Variants in WDR4 observed in about 807,000 individuals in gnomAD.
WDR4 encodes the protein WDR4 tRNA N7-guanosine methyltransferase non-catalytic subunit, also known as tRNA (guanine-N(7)-)-methyltransferase non-catalytic subunit WDR4.
WDR4 carries 47 observed loss-of-function variants against 48.6 expected under a neutral mutation model. The observed-to-expected ratio is 0.97, with a 90% CI of 0.77 to 1.23. The LOEUF is 1.23. WDR4 is among the 50% of genes most tolerant of loss of function. WDR4 has a pLI of 0.00. For missense variants in WDR4, 606 were observed against 551.6 expected (o/e 1.10, Z -0.99); for synonymous variants, 268 against 230.0 (o/e 1.17, Z -1.49).
chr21:42,883,974 A>G (rs2058623034), upstream of WDR4, among the ~76,000 whole-genome samples: 1 of 152,078 alleles, frequency 6.6e-6, no homozygotes, highest in African/African-American at 2.4e-5. Context: ...CCTCCCCATA[A>G]ACCCCTGGTA....
At chr21:42,882,054 G>T (rs2058613829), upstream of WDR4, among the ~76,000 whole-genome samples, 1 of 151,616 alleles carries the variant, frequency 6.6e-6, no homozygotes, top group Non-Finnish European at 1.5e-5. Flanking sequence ...TCCTACCTTG[G>T]CCTCCCAAAG....
chr21:42,845,215 G>C (rs1569306862), downstream of WDR4, among the ~76,000 whole-genome samples: 1 of 152,190 alleles, frequency 6.6e-6, no homozygotes, highest in Non-Finnish European at 1.5e-5. Context: ...GACCACAGTG[G>C]AATTAAAACC....
intron 1 of WDR4, among the ~76,000 whole-genome samples, chr21:42,878,409 A>G (rs1263732550): frequency 6.6e-6 from 1 of 152,226 alleles, no homozygotes. Flanking sequence ...CATGTCTAAT[A>G]TATCCACAGC....
At chr21:42,888,449 C>G in the WDR4 span, among the ~76,000 whole-genome samples, 67 of 152,200 alleles carry the variant, frequency 4.4e-4, no homozygotes, top group African/African-American at 1.4e-3. Flanking sequence ...GTCCCAGCTA[C>G]TTGAGAGGCT....
At chr21:42,865,686 C>A (rs571407420) in intron 3 of WDR4, among the ~76,000 whole-genome samples, 71 of 152,140 alleles carry the variant, frequency 4.7e-4, no homozygotes, top group African/African-American at 1.6e-3. Flanking sequence ...AATGGCAAGC[C>A]GGCCTGTCAC....
At chr21:42,868,818 T>C (rs1242026388) in intron 3 of WDR4, among the ~76,000 whole-genome samples, 1 of 152,376 alleles carries the variant, frequency 6.6e-6, no homozygotes, top group East Asian at 1.9e-4. Context: ...CCGTGTCTGT[T>C]GTCACACATT....
At chr21:42,875,274 T>A (rs1381792001) in intron 2 of WDR4, among the ~76,000 whole-genome samples, 2 of 151,934 alleles carry the variant, frequency 1.3e-5, no homozygotes, top group African/African-American at 4.8e-5. Flanking sequence ...TAGGCAGCCC[T>A]GGCGCGGTGC....
the WDR4 span, among the ~76,000 whole-genome samples, chr21:42,890,575 G>A: frequency 6.6e-6 from 1 of 152,190 alleles, no homozygotes. Flanking sequence ...AGACACAAGG[G>A]GGAGCCTCTA....
At chr21:42,864,607 A>G (rs915509905) in intron 3 of WDR4, among the ~76,000 whole-genome samples, 8 of 152,132 alleles carry the variant, frequency 5.3e-5, no homozygotes, top group Admixed American at 2.6e-4. Context: ...ACATCAGCAC[A>G]TCCATGAATC....
At chr21:42,856,795 A>G (rs914770737) in intron 6 of WDR4, among the ~76,000 whole-genome samples, 1 of 152,074 alleles carries the variant, frequency 6.6e-6, no homozygotes, top group African/African-American at 2.4e-5. Context: ...ATACACACGC[A>G]CACACACACA....
intron 1 of WDR4, among the ~76,000 whole-genome samples, chr21:42,878,804 G>C (rs1248630075): frequency 3.3e-5 from 5 of 152,218 alleles, no homozygotes; most frequent in Admixed American, 6.5e-5. Context: ...CACTAGGGAG[G>C]TGCGCACTGC....
rs11909507 is a variant in WDR4, at chr21:42,859,778, G to A, written c.567-56C>T. 151,186 of 1,512,244 alleles carry A rather than the reference G, an allele frequency of 0.1. 9,497 individuals are homozygous for A. Among genetic ancestry groups the A allele is most frequent in the African/African-American group, 0.3 (21,396 of 72,332 alleles). 93.7% of individuals were successfully genotyped at this position (1,512,244 alleles called of 1,614,324 possible). ...GCGAGCCCAGCGCCCGCAGGGACCG[G>A]GAGGCCTGGGGAGGCCGCCTGTTCA... On this transcript the variant is annotated intron_variant, in intron 5 of 10. Coordinates refer to ENST00000398208, the MANE Select transcript of WDR4 (RefSeq NM_018669.6).
At chr21:42,859,619 G>C (rs751102127) in intron 6 of WDR4, 43 bp downstream of exon 6, 2 of 608,866 alleles carry the variant, frequency 3.3e-6, no homozygotes. Flanking sequence ...CTCCCTGCAG[G>C]CTCAAGAATC....
In WDR4 at chr21:42,862,202, AC is replaced by A; in HGVS notation, c.566+79del. 1 of 1,343,082 alleles carries A rather than the reference AC, an allele frequency of 7.4e-7. No homozygotes were observed. Among genetic ancestry groups the A allele is most frequent in the Non-Finnish European group, 1.0e-6 (1 of 977,888 alleles). 83.2% of individuals were successfully genotyped at this position (1,343,082 alleles called of 1,614,324 possible). On this transcript the variant is annotated intron_variant, in intron 5 of 10. Transcript: ENST00000398208. The surrounding 1 kb of genome is among the most constrained non-coding windows in gnomAD (Gnocchi z 4.3). Reference sequence around the variant, plus strand: ...CCCGCGTGGGGCCTCGCCAGCTACAACGGCACCTGCTGAGCCGCAAGCTGAC... The same window carrying A: ...CCCGCGTGGGGCCTCGCCAGCTACAAGGCACCTGCTGAGCCGCAAGCTGAC...
chr21:42,871,701 T>A (rs2058372782), intron 3 of WDR4, among the ~76,000 whole-genome samples: 1 of 152,200 alleles, frequency 6.6e-6, no homozygotes, highest in African/African-American at 2.4e-5. Context: ...TCACTGCCTA[T>A]GGGAAAGGAG....
intron 6 of WDR4, among the ~76,000 whole-genome samples, chr21:42,857,864 G>A (rs554799219): frequency 6.6e-6 from 1 of 152,140 alleles, no homozygotes; most frequent in Non-Finnish European, 1.5e-5. Flanking sequence ...GCGGAAGTGG[G>A]TGGATCGCTT....
chr21:42,886,536 G>A, the WDR4 span, among the ~76,000 whole-genome samples: 17 of 152,200 alleles, frequency 1.1e-4, no homozygotes, highest in Non-Finnish European at 2.2e-4. Flanking sequence ...TTTCAATGAT[G>A]TTTCTAGATG....
rs959990171 is a variant in WDR4, at chr21:42,850,048, A to T, written c.*1T>A. ...GTGAGAGACACCACTGACCGCCACG[A>T]TCAGCAACTTAGCGTCGCCTCCCCC... On this transcript the variant is annotated 3_prime_UTR_variant, in exon 11 of 11. Transcript: ENST00000398208. 1 of 1,613,650 alleles carries T rather than the reference A, an allele frequency of 6.2e-7. No individual in the cohort carries two copies. The highest frequency in any genetic ancestry group is 1.3e-5 in the African/African-American group (1 of 75,000).
chr21:42,868,025 C>T (rs1001729519), intron 3 of WDR4, among the ~76,000 whole-genome samples: 1 of 152,190 alleles, frequency 6.6e-6, no homozygotes, highest in African/African-American at 2.4e-5. Context: ...TCTGCATCCA[C>T]CACGAGTCCC....
Sources: gnomAD v4.1 joint callset for allele counts (sites outside exome capture counted in the v4.1 genomes callset) on GRCh38, gnomAD v4.1.1 for gene constraint, Gnocchi (gnomAD v3.1) non-coding constraint, MANE v1.5 for transcripts, NCBI Gene and HGNC (gene_info 2026-07-23, HGNC 2026-07-21) for gene names.